The following TIE1 variants were observed in gnomAD, a reference collection of about 807,000 sequenced individuals.
TIE1 encodes tyrosine-protein kinase receptor Tie-1.
In TIE1, 89 loss-of-function variants were observed where a neutral mutation model predicts 130.5. That is an observed-to-expected ratio of 0.68 (90% confidence interval 0.57 to 0.81). TIE1 has a LOEUF of 0.81. TIE1 is among the 40% of genes least tolerant of loss of function. The pLI is 0.00. For synonymous variants in TIE1, 568 were observed against 629.4 expected, an observed-to-expected ratio of 0.90 and a Z score of 1.46; for missense variants, 1,392 against 1,559.8, an observed-to-expected ratio of 0.89 and a Z score of 1.81.
intron 1 of TIE1, chr1:43,302,396 G>A (rs1646678789): frequency 6.6e-6 from 1 of 152,266 alleles, no homozygotes; most frequent in Non-Finnish European, 1.5e-5. Context: ...CACAGAGGCT[G>A]CCTTTGAGTG....
chr1:43,305,278 ACAC>A lies in TIE1; in HGVS notation c.421_423del (p.Thr141del). On this transcript the variant is annotated inframe_deletion, in exon 3 of 23. Transcript: ENST00000372476. ...GTCACACACACTGTGAACAAAGGTG[ACAC>A]CGCTGTACTTTCTGCACGTGTGCAC... 1 of 1,609,350 alleles carries A rather than the reference ACAC, an allele frequency of 6.2e-7. No homozygotes were observed. Among genetic ancestry groups the A allele is most frequent in the South Asian group, 1.1e-5 (1 of 90,872 alleles).
Position 43,304,953 on chromosome 1 carries a change from C to A in TIE1, c.161C>A (p.Ser54Ter). The A allele has an allele frequency of 6.9e-7, 1 of 1,453,550 alleles. No homozygotes were observed. Among genetic ancestry groups the A allele is most frequent in the Non-Finnish European group, 9.0e-7 (1 of 1,106,718 alleles). The allele number at this position is 1,453,550 out of a possible 1,614,324, so 90.0% of individuals were successfully genotyped here. A position where few individuals can be genotyped will look rare whatever the true frequency, so the allele number is the denominator to read the frequency against. ...GGGGAGGCCGGGGCGGGGAGGGGCT[C>A]GGACGCCTGGGGCCCGCCCCTGCTG... ...VSGEAGAGRG[S>*]DAWGPPLLLE... Residue 54 changes from serine to a stop codon, truncating the protein, a stop_gained, in exon 2 of 23, where the codon TCG becomes TAG. Coordinates refer to ENST00000372476, the MANE Select transcript of TIE1 (RefSeq NM_005424.5). LOFTEE classifies it high-confidence loss of function.
Position 43,312,380 on chromosome 1 carries a change from C to A in TIE1, c.1706C>A (p.Pro569His). The change falls in exon 12 of 23, where the codon CCC becomes CAC. Residue 569 changes from proline (P) to histidine (H), a missense_variant. By Grantham distance (77) the Pro-to-His change is moderately conservative. Transcript: ENST00000372476. The surrounding 1 kb of genome is among the most constrained non-coding windows in gnomAD (Gnocchi z 5.6). Reference sequence around the variant, plus strand: ...CGGCTGCGAGTGAGCTGGTCCTTGCCCTTGGTGCCCGGGCCACTGGTGGGC... The same window carrying A: ...CGGCTGCGAGTGAGCTGGTCCTTGCACTTGGTGCCCGGGCCACTGGTGGGC... ...TDRLRVSWSL[P>H]LVPGPLVGDG... 1 of 1,598,476 alleles carries A rather than the reference C, an allele frequency of 6.3e-7. No individual in the cohort carries two copies. The highest frequency in any genetic ancestry group is 8.5e-7 in the Non-Finnish European group (1 of 1,171,870).
chr1:43,311,729 G>T lies in TIE1; in HGVS notation c.1392G>T (p.Val464=). 1 of 1,614,084 alleles carries T rather than the reference G, an allele frequency of 6.2e-7. No individual in the cohort carries two copies. The highest frequency in any genetic ancestry group is 8.5e-7 in the Non-Finnish European group (1 of 1,180,002). The stretch of plus-strand genomic sequence containing the variant: ...TGACCAAGCAGAGCCGCCAGCTTGT[G>T]GTCTCCCCGCTGGTCTCGTTCTCTG... The part of the protein sequence containing the change: ...RLLTKQSRQL[V]VSPLVSFSGD... The change falls in exon 10 of 23, where the codon GTG becomes GTT. Residue 464 remains valine, a synonymous_variant. Coordinates refer to ENST00000372476, the MANE Select transcript of TIE1 (RefSeq NM_005424.5).
In TIE1 at chr1:43,318,021, G is replaced by T; in HGVS notation, c.2871G>T (p.Leu957=). ...CTACCCTTAGCTCCCGGCAGCTGCT[G>T]CGTTTCGCCAGTGATGCGGCCAATG... The part of the protein sequence containing the change: ...TASTLSSRQL[L]RFASDAANGM... The change falls in exon 17 of 23, where the codon CTG becomes CTT. Residue 957 remains leucine, a synonymous_variant. Transcript: ENST00000372476. The surrounding 1 kb of genome is among the most constrained non-coding windows in gnomAD (Gnocchi z 4.4). The T allele has an allele frequency of 6.3e-7, 1 of 1,589,912 alleles. No individual in the cohort carries two copies. Among genetic ancestry groups the T allele is most frequent in the Non-Finnish European group, 8.6e-7 (1 of 1,167,430 alleles).
intron 1 of TIE1, among the ~76,000 whole-genome samples, chr1:43,301,684 C>T (rs186711388): frequency 3.2e-4 from 49 of 152,032 alleles, no homozygotes; most frequent in African/African-American, 9.6e-4. Context: ...GCCTGGCAAA[C>T]ATGGTGAAAC....
intron 1 of TIE1, among the ~76,000 whole-genome samples, chr1:43,302,179 G>A (rs1424664808): frequency 6.6e-6 from 1 of 152,226 alleles, no homozygotes; most frequent in Non-Finnish European, 1.5e-5. Flanking sequence ...AATATTCCAG[G>A]AGTTGTGCTA....
In TIE1 at chr1:43,312,094, C is replaced by T. The variant is rs765239955; in HGVS notation, c.1593C>T (p.Ala531=). 2 of 1,587,690 alleles carry T rather than the reference C, an allele frequency of 1.3e-6. No individual in the cohort carries two copies. Among genetic ancestry groups the T allele is most frequent in the Admixed American group, 3.5e-5 (2 of 57,238 alleles). The part of the protein sequence containing the change: ...LSRPGEGGEG[A]WGPPTLMTTD... Reference sequence around the variant, plus strand: ...GGCCAGGGGAAGGAGGAGAGGGGGCCTGGGGGCCTCCCACCCTCATGACCA... The same window carrying T: ...GGCCAGGGGAAGGAGGAGAGGGGGCTTGGGGGCCTCCCACCCTCATGACCA... Residue 531 remains alanine, a synonymous_variant, in exon 11 of 23, where the codon GCC becomes GCT. Coordinates refer to ENST00000372476, the MANE Select transcript of TIE1 (RefSeq NM_005424.5). This position sits in a 1 kb window ranked among gnomAD's most constrained non-coding sequence, Gnocchi z 5.6.
Position 43,317,805 on chromosome 1 carries a change from C to A in TIE1, c.2732-77C>A. 1.9e-6 allele frequency: 3 copies of A among 1,539,820 alleles called. No homozygotes were observed. The highest frequency in any genetic ancestry group is 1.7e-5 in the Admixed American group (1 of 58,690). On this transcript the variant is annotated intron_variant, in intron 16 of 22. Transcript: ENST00000372476. This position sits in a 1 kb window ranked among gnomAD's most constrained non-coding sequence, Gnocchi z 5.1. The stretch of plus-strand genomic sequence containing the variant: ...ACCCTTGATCCTCCTTCATCCCTGT[C>A]TGTTACCATCGGGTGCCTGCTCCCA...
chr1:43,321,350 C>A (rs1324176623), intron 20 of TIE1, 41 bp downstream of exon 20: 1 of 1,613,526 alleles, frequency 6.2e-7, no homozygotes, highest in East Asian at 2.2e-5. Flanking sequence ...CCCCACCTTA[C>A]CCCACGTGGA....
Position 43,318,063 on chromosome 1 carries a change from T to A in TIE1, c.2913T>A (p.Ser971Arg). 1 of 1,551,782 alleles carries A rather than the reference T, an allele frequency of 6.4e-7. No individual in the cohort carries two copies. Among genetic ancestry groups the A allele is most frequent in the Non-Finnish European group, 8.7e-7 (1 of 1,147,622 alleles). ...CGGCCAATGGCATGCAGTACCTGAG[T>A]GAGAAGCAGGTGTGTGTGAGTGGGG... ...SDAANGMQYL[S>R]EKQFIHRDLA... The change falls in exon 17 of 23, where the codon AGT becomes AGA. Residue 971 changes from serine to arginine, a missense_variant. Physicochemically the swap from Ser to Arg is moderately radical, Grantham distance 110. Transcript: ENST00000372476. The surrounding 1 kb of genome is among the most constrained non-coding windows in gnomAD (Gnocchi z 4.4).
rs1033202881 is a variant in TIE1 at position 43,319,812 on chromosome 1, G to A, written c.3107+283G>A. The A allele has an allele frequency of 6.0e-5, 27 of 452,570 alleles. No homozygotes were observed. Among genetic ancestry groups the A allele is most frequent in the African/African-American group, 1.6e-4 (8 of 50,560 alleles). 28.0% of individuals were successfully genotyped at this position (452,570 alleles called of 1,614,324 possible). On this transcript the variant is annotated intron_variant, in intron 19 of 22. Transcript: ENST00000372476. The surrounding 1 kb of genome is among the most constrained non-coding windows in gnomAD (Gnocchi z 4.7). ...CTTGGAGAGGTTTGGGAATGCTGGCGGATGCTTCCTGAGGTAGATGGAGAG... is the reference window on the plus strand; with the variant it reads ...CTTGGAGAGGTTTGGGAATGCTGGCAGATGCTTCCTGAGGTAGATGGAGAG...
Position 43,307,997 on chromosome 1 carries a change from G to C in TIE1, c.1042+73G>C. The C allele has an allele frequency of 6.3e-7, 1 of 1,588,236 alleles. No homozygotes were observed. The highest frequency in any genetic ancestry group is 1.1e-5 in the South Asian group (1 of 88,440). On this transcript the variant is annotated intron_variant, in intron 7 of 22. Coordinates refer to ENST00000372476, the MANE Select transcript of TIE1 (RefSeq NM_005424.5). This position sits in a 1 kb window ranked among gnomAD's most constrained non-coding sequence, Gnocchi z 5.4. ...TACCAAACACATCTCCCCGGTGGAA[G>C]AGAGTAGTCCCTCCTTTCCCTACGA...
Position 43,307,443 on chromosome 1 carries a change from G to A in TIE1, c.784G>A (p.Gly262Ser). The change falls in exon 6 of 23, where the codon GGC (glycine) becomes AGC (serine). Residue 262 changes from glycine to serine, a missense_variant. By Grantham distance (56) the Gly-to-Ser change is moderately conservative. Transcript: ENST00000372476. This position sits in a 1 kb window ranked among gnomAD's most constrained non-coding sequence, Gnocchi z 5.4. ...GTRCEQACRE[G>S]RFGQSCQEQC... ...CACTCTCTTTCTAGCCTGCAGAGAG[G>A]GCCGTTTTGGGCAGAGCTGCCAGGA... 1 of 1,614,134 alleles carries A rather than the reference G, an allele frequency of 6.2e-7. No individual in the cohort carries two copies. Among genetic ancestry groups the A allele is most frequent in the Non-Finnish European group, 8.5e-7 (1 of 1,180,014 alleles).
rs775969480 is a variant in TIE1, at chr1:43,318,089, G to T, written c.2922+17G>T. ...GAGAAGCAGGTGTGTGTGAGTGGGG[G>T]CGGGTGGAGGCCAGAGGGGGAAGCC... On this transcript the variant is annotated intron_variant, in intron 17 of 22. Coordinates refer to ENST00000372476, the MANE Select transcript of TIE1 (RefSeq NM_005424.5). This position sits in a 1 kb window ranked among gnomAD's most constrained non-coding sequence, Gnocchi z 4.4. 8.5e-6 allele frequency: 13 copies of T among 1,524,444 alleles called. No individual in the cohort carries two copies. The Admixed American group carries it at 2.7e-4, about 32-fold the overall frequency. The allele number at this position is 1,524,444 out of a possible 1,614,324, so 94.4% of individuals were successfully genotyped here.
chr1:43,303,620 C>T (rs1008634425), intron 1 of TIE1, among the ~76,000 whole-genome samples: 2 of 152,120 alleles, frequency 1.3e-5, no homozygotes, highest in African/African-American at 4.8e-5. Flanking sequence ...CTCGCAGGCT[C>T]TCCACCGTCC....
intron 1 of TIE1, among the ~76,000 whole-genome samples, chr1:43,303,368 G>C (rs923790451): frequency 4.6e-5 from 7 of 152,174 alleles, no homozygotes; most frequent in Non-Finnish European, 7.3e-5. Context: ...TAATTACCAT[G>C]ATCCTCCTCT....
In TIE1 at chr1:43,305,262, A is replaced by C; in HGVS notation, c.403A>C (p.Thr135Pro). 1 of 1,613,562 alleles carries C rather than the reference A, an allele frequency of 6.2e-7. No homozygotes were observed. Among genetic ancestry groups the C allele is most frequent in the South Asian group, 1.1e-5 (1 of 91,044 alleles). The change falls in exon 3 of 23, where the codon ACT becomes CCT. Residue 135 changes from threonine (T) to proline (P), a missense_variant. This residue lies in a region of TIE1 where 415 missense variants were observed against 424.8 expected (regional missense o/e 0.98). Coordinates refer to ENST00000372476, the MANE Select transcript of TIE1 (RefSeq NM_005424.5). ...CCTGCTTCCAGACAAGGTCACACAC[A>C]CTGTGAACAAAGGTGACACCGCTGT... ...AHLLPDKVTH[T>P]VNKGDTAVLS...
At position 43,317,345 on chromosome 1, in the gene TIE1, G is replaced by C. The variant is rs1277763946; in HGVS notation, c.2556G>C (p.Gln852His). 6.2e-7 allele frequency: 1 copy of C among 1,613,992 alleles called. No homozygotes were observed. Among genetic ancestry groups the C allele is most frequent in the Non-Finnish European group, 8.5e-7 (1 of 1,180,030 alleles). ...EDLIGEGNFG[Q>H]VIRAMIKKDG... ...TCATCGGGGAGGGGAACTTCGGCCA[G>C]GTCATCCGGGCCATGATCAAGAAGG... is the stretch of plus-strand genomic sequence containing the variant. Residue 852 changes from glutamine (Q) to histidine (H), a missense_variant, in exon 15 of 23, where the codon CAG becomes CAC. This residue lies in a region of TIE1 where 286 missense variants were observed against 354.4 expected (regional missense o/e 0.81). Transcript: ENST00000372476. This position sits in a 1 kb window ranked among gnomAD's most constrained non-coding sequence, Gnocchi z 5.1.
Sources: allele counts gnomAD v4.1 joint callset (sites outside exome capture counted in the v4.1 genomes callset), GRCh38; gene constraint gnomAD v4.1.1; regional missense constraint gnomAD v4.1.1; non-coding constraint Gnocchi (gnomAD v3.1); transcripts MANE v1.5; gene names NCBI Gene and HGNC (gene_info 2026-07-23, HGNC 2026-07-21).